TGFBRAP1: variants seen among roughly 807,000 people sequenced by gnomAD.
TGFBRAP1 encodes the protein transforming growth factor-beta receptor-associated protein 1.
In TGFBRAP1, 20 loss-of-function variants were observed where a neutral mutation model predicts 83.2. The observed-to-expected ratio is 0.24, with a 90% CI of 0.17 to 0.35. The LOEUF (loss-of-function observed/expected upper bound fraction) is 0.35. Among genes scored for constraint, TGFBRAP1 ranks in the 10% least tolerant of loss-of-function variants. The pLI is 1.00. For missense variants in TGFBRAP1, 950 were observed against 1,099.4 expected (o/e 0.86, Z 1.92); for synonymous variants, 415 against 459.8 (o/e 0.90, Z 1.25).
chr2:105,288,835 T>C (rs1356885729), intron 4 of TGFBRAP1, among the ~76,000 whole-genome samples: 1 of 152,222 alleles, frequency 6.6e-6, no homozygotes, highest in Non-Finnish European at 1.5e-5. Context: ...TGCATGTATA[T>C]GTGTATATAT....
At chr2:105,273,747 C>T (rs1365239928) in intron 8 of TGFBRAP1, 57 bp from the exon 9 acceptor site, 3 of 1,582,038 alleles carry the variant, frequency 1.9e-6, no homozygotes, top group Non-Finnish European at 2.6e-6. Context: ...TTTCCTTTAA[C>T]TTTATTTTGG....
chr2:105,276,793 GT>G (rs1677365857), intron 7 of TGFBRAP1, among the ~76,000 whole-genome samples: 1 of 152,102 alleles, frequency 6.6e-6, no homozygotes, highest in African/African-American at 2.4e-5. Flanking sequence ...TGTTGTTGTT[GT>G]TCTGCTCTGC....
Position 105,308,291 on chromosome 2 carries a change from A to G in TGFBRAP1, c.11T>C (p.Ile4Thr). 6.2e-7 allele frequency: 1 copy of G among 1,608,188 alleles called. No individual in the cohort carries two copies. The highest frequency in any genetic ancestry group is 8.5e-7 in the Non-Finnish European group (1 of 1,175,060). The change falls in exon 2 of 12, where the codon ATC becomes ACC. Residue 4 changes from isoleucine (I) to threonine (T), a missense_variant. Ile to Thr is a moderately conservative substitution (Grantham distance 89). Transcript: ENST00000393359. Reference protein sequence around the residue: MMSIKAFTLVSAVE... With the variant: MMSTKAFTLVSAVE... ...AGCAGAGACAAGCGTAAAGGCTTTG[A>G]TGCTCATCATGTCTACTGGCTGATC... is the stretch of plus-strand genomic sequence containing the variant.
the TGFBRAP1 span, among the ~76,000 whole-genome samples, chr2:105,255,291 C>G: frequency 2.0e-5 from 3 of 152,106 alleles, no homozygotes; most frequent in African/African-American, 4.8e-5. Flanking sequence ...AGGCAGTAAA[C>G]AGCTCGCCCA....
At position 105,266,212 on chromosome 2, in the gene TGFBRAP1, G is replaced by A. The variant is rs922585435; in HGVS notation, c.*1171C>T. 13 of 152,232 alleles carry A rather than the reference G, an allele frequency of 8.5e-5. No homozygotes were observed. Among genetic ancestry groups the A allele is most frequent in the Non-Finnish European group, 1.9e-4 (13 of 68,052 alleles). The allele number at this position is 152,232 out of a possible 1,614,324, so 9.4% of individuals were successfully genotyped here. On this transcript the variant is annotated 3_prime_UTR_variant, in exon 12 of 12. Transcript: ENST00000393359. ...CCTCAGAGCAGGCACATAAAGTGCT[G>A]GAGGGTGACACAGCCTGTCTGGATG...
chr2:105,275,489 A>G, intron 8 of TGFBRAP1, 71 bp downstream of exon 8: 2 of 1,564,002 alleles, frequency 1.3e-6, no homozygotes, highest in Admixed American at 4.0e-5. Flanking sequence ...CCCTCCTAAA[A>G]GCAAAGCTTT....
chr2:105,328,568 G>A (rs1035436903), intron 1 of TGFBRAP1, among the ~76,000 whole-genome samples: 1 of 152,026 alleles, frequency 6.6e-6, no homozygotes, highest in African/African-American at 2.4e-5. Context: ...CTCTACATTC[G>A]TTCATCCTGA....
chr2:105,284,036 C>A (rs986325822), intron 5 of TGFBRAP1, among the ~76,000 whole-genome samples: 1 of 152,160 alleles, frequency 6.6e-6, no homozygotes, highest in Non-Finnish European at 1.5e-5. Flanking sequence ...AGAATTTTCT[C>A]CTGGCAAAAC....
rs777291816 is a variant in TGFBRAP1 at position 105,292,120 on chromosome 2, C to T, written c.1038+4236G>A. 2.6e-5 allele frequency among the ~76,000 whole-genome samples: 4 copies of T among 152,264 alleles called. No individual in the cohort carries two copies. In the South Asian group the frequency reaches 8.3e-4, roughly 32 times the overall value. On this transcript the variant is annotated intron_variant, in intron 4 of 11. Coordinates refer to ENST00000393359, the MANE Select transcript of TGFBRAP1 (RefSeq NM_004257.6). ...CATATTCCCATTGTGAAATATCTAC[C>T]ATAGGACTGCTTTAGAAAACCAAAA...
At position 105,280,657 on chromosome 2, in the gene TGFBRAP1, G is replaced by A; in HGVS notation, c.1188C>T (p.Ser396=). 1 of 1,614,200 alleles carries A rather than the reference G, an allele frequency of 6.2e-7. No individual in the cohort carries two copies. Among genetic ancestry groups the A allele is most frequent in the South Asian group, 1.1e-5 (1 of 91,082 alleles). ...GAAGAGGAGGGTGGGACCGGGTGAA[G>A]GAGGAGGAGGTGGGCAACAGGAAGG... ...LYPFLLPTSS[S]FTRSHPPLHE... is the part of the protein sequence containing the mutation. The change falls in exon 6 of 12, where the codon TCC becomes TCT. Residue 396 remains serine (S), a synonymous_variant. Coordinates refer to ENST00000393359, the MANE Select transcript of TGFBRAP1 (RefSeq NM_004257.6).
At chr2:105,290,336 G>A (rs1274228957) in intron 4 of TGFBRAP1, among the ~76,000 whole-genome samples, 1 of 152,106 alleles carries the variant, frequency 6.6e-6, no homozygotes, top group Non-Finnish European at 1.5e-5. Context: ...CAAAGTGCTG[G>A]GATTAGAGGC....
rs1676896547 is a variant in TGFBRAP1, at chr2:105,265,461, T to G, written c.*1922A>C. 1 of 152,536 alleles carries G rather than the reference T, an allele frequency of 6.6e-6. No homozygotes were observed. The highest frequency in any genetic ancestry group is 2.4e-5 in the African/African-American group (1 of 41,438). 9.4% of individuals were successfully genotyped at this position (152,536 alleles called of 1,614,324 possible). A position where few individuals can be genotyped will look rare whatever the true frequency, so the allele number is the denominator to read the frequency against. Reference sequence around the variant, plus strand: ...TCCAGCCTGGGTGACAGAGTGAGACTCTGTCTGTGTGTTAGGAATGAGAAA... The same window carrying G: ...TCCAGCCTGGGTGACAGAGTGAGACGCTGTCTGTGTGTTAGGAATGAGAAA... On this transcript the variant is annotated 3_prime_UTR_variant, in exon 12 of 12. Transcript: ENST00000393359.
chr2:105,324,713 G>A (rs1679173518), intron 1 of TGFBRAP1, among the ~76,000 whole-genome samples: 1 of 152,134 alleles, frequency 6.6e-6, no homozygotes, highest in South Asian at 2.1e-4. Context: ...GGGTGAATGT[G>A]AGCTGACTCC....
At chr2:105,261,262 G>A (rs1266987952), downstream of TGFBRAP1, among the ~76,000 whole-genome samples, 2 of 152,200 alleles carry the variant, frequency 1.3e-5, no homozygotes, top group Non-Finnish European at 2.9e-5. Context: ...AGAGGCAGGG[G>A]CTGGGTGAGT....
chr2:105,302,018 A>G (rs1190700064), intron 2 of TGFBRAP1, among the ~76,000 whole-genome samples: 1 of 151,712 alleles, frequency 6.6e-6, no homozygotes, highest in Non-Finnish European at 1.5e-5. Flanking sequence ...CTAAAAAAAA[A>G]AAAAAAAAAA....
chr2:105,301,219 C>T (rs1246240088), intron 2 of TGFBRAP1, among the ~76,000 whole-genome samples: 1 of 151,760 alleles, frequency 6.6e-6, no homozygotes, highest in Non-Finnish European at 1.5e-5. Flanking sequence ...AATACCCTGT[C>T]TCAAAAATAA....
At chr2:105,316,468 C>A (rs368215009) in intron 1 of TGFBRAP1, among the ~76,000 whole-genome samples, 8,271 of 80,988 alleles carry the variant, frequency 0.1, 302 homozygotes, top group Non-Finnish European at 0.14. Context: ...TGTGTGCGCG[C>A]GCGCGCGCGC....
At chr2:105,316,672 G>A (rs374248623) in intron 1 of TGFBRAP1, among the ~76,000 whole-genome samples, 2 of 151,972 alleles carry the variant, frequency 1.3e-5, no homozygotes, top group African/African-American at 4.8e-5. Flanking sequence ...AAATTAGCTG[G>A]GCGTGGCTGT....
the TGFBRAP1 span, among the ~76,000 whole-genome samples, chr2:105,257,310 G>A: frequency 2.0e-5 from 3 of 152,034 alleles, no homozygotes; most frequent in Non-Finnish European, 2.9e-5. Context: ...TTATCCTTCT[G>A]ACAGATTTTA....
Sources: allele counts gnomAD v4.1 joint callset (sites outside exome capture counted in the v4.1 genomes callset), GRCh38; gene constraint gnomAD v4.1.1; transcripts MANE v1.5; gene names NCBI Gene and HGNC (gene_info 2026-07-23, HGNC 2026-07-21).